The following RUVBL1 variants were observed in gnomAD, a reference collection of about 807,000 sequenced individuals.
RUVBL1 encodes the protein ruvB-like 1.
Under a neutral mutation model 52.4 loss-of-function variants are expected in RUVBL1, and 4 were observed. The ratio of observed to expected loss-of-function variants is 0.08; its 90% CI spans 0.04 to 0.17. The LOEUF (loss-of-function observed/expected upper bound fraction) is 0.17, where lower values mean the gene tolerates loss of function less well. RUVBL1 is among the 10% of genes least tolerant of loss of function. The pLI, the probability that RUVBL1 is intolerant of heterozygous loss-of-function variation, is 1.00. For synonymous variants in RUVBL1, 217 were observed against 214.4 expected (o/e 1.01, Z -0.10); for missense variants, 298 against 572.8 (o/e 0.52, Z 4.90).
At position 128,153,133 on chromosome 3, in the gene RUVBL1, C is replaced by T. The variant is rs1489484189; in HGVS notation, c.-40+70G>A. On this transcript the variant is annotated intron_variant, in intron 1 of 9. Transcript: ENST00000464873. ...ACAGAGCACTGATTGGTGCGTTTTA[C>T]AGAGCGCTGATTGGTGCATTTTACA... 3.5e-6 allele frequency: 3 copies of T among 846,892 alleles called. No homozygotes were observed. In the East Asian group the frequency reaches 2.4e-4, roughly 67 times the overall value. The allele number at this position is 846,892 out of a possible 1,614,324, so 52.5% of individuals were successfully genotyped here. A position where few individuals can be genotyped will look rare whatever the true frequency, so the allele number is the denominator to read the frequency against.
intron 1 of RUVBL1, among the ~76,000 whole-genome samples, chr3:128,120,117 T>C (rs997197610): frequency 6.6e-6 from 1 of 152,186 alleles, no homozygotes; most frequent in South Asian, 2.1e-4. Flanking sequence ...GGTACAGGGA[T>C]AGACGCCAGG....
intron 1 of RUVBL1, among the ~76,000 whole-genome samples, chr3:128,145,429 T>A (rs1944089438): frequency 6.6e-6 from 1 of 152,342 alleles, no homozygotes; most frequent in East Asian, 1.9e-4. Context: ...TGAGTTTCTG[T>A]CATTTGTCCT....
Position 128,082,671 on chromosome 3 carries a change from G to T in RUVBL1, c.1120-97C>A. On this transcript the variant is annotated intron_variant, in intron 9 of 10. Coordinates refer to ENST00000322623, the MANE Select transcript of RUVBL1 (RefSeq NM_003707.3). This position sits in a 1 kb window ranked among gnomAD's most constrained non-coding sequence, Gnocchi z 4.7. ...CAATGTTGCTCAGATTTCTCACTGT[G>T]CAGCATAAGAGAAACTGAGACCTGG... The T allele has an allele frequency of 2.0e-6, 2 of 1,010,418 alleles. No homozygotes were observed. The highest frequency in any genetic ancestry group is 2.9e-6 in the Non-Finnish European group (2 of 687,116). 62.6% of individuals were successfully genotyped at this position (1,010,418 alleles called of 1,614,324 possible).
chr3:128,144,553 C>T (rs1181025849), intron 1 of RUVBL1, among the ~76,000 whole-genome samples: 1 of 152,144 alleles, frequency 6.6e-6, no homozygotes, highest in Non-Finnish European at 1.5e-5. Flanking sequence ...AGGAGGATGT[C>T]TTCGTGGGCT....
exon 1 of RUVBL1, chr3:128,153,531 G>A: frequency 6.6e-7 from 1 of 1,518,884 alleles, no homozygotes. Flanking sequence ...GGGTGAACGT[G>A]AACGTGGGCG....
upstream of RUVBL1, among the ~76,000 whole-genome samples, chr3:128,125,969 C>A (rs764156876): frequency 2.0e-5 from 3 of 152,170 alleles, no homozygotes; most frequent in Non-Finnish European, 4.4e-5. Flanking sequence ...CAGCCCTAGT[C>A]TTTGTATCTT....
chr3:128,119,516 T>C, intron 1 of RUVBL1, 102 bp from the exon 2 acceptor site: 1 of 863,470 alleles, frequency 1.2e-6, no homozygotes, highest in Non-Finnish European at 1.8e-6. Flanking sequence ...CTCATCCAAC[T>C]AACACTGAGT....
At position 128,067,648 on chromosome 3, in the gene RUVBL1, A is replaced by C. The variant is rs1041377138; in HGVS notation, c.940-2428T>G. On this transcript the variant is annotated intron_variant, in intron 9 of 9. Transcript: ENST00000464873. The surrounding 1 kb of genome is among the most constrained non-coding windows in gnomAD (Gnocchi z 4.1). ...GCAAAACTTTCTGGAAGGGTGATGA[A>C]AGTGTGACTGGTATAAGGGGTGTGG... The C allele has an allele frequency of 6.6e-7, 1 of 1,516,202 alleles. No individual in the cohort carries two copies. Among genetic ancestry groups the C allele is most frequent in the Admixed American group, 1.7e-5 (1 of 57,460 alleles). The allele number at this position is 1,516,202 out of a possible 1,614,324, so 93.9% of individuals were successfully genotyped here.
Position 128,128,902 on chromosome 3 carries a change from C to T in RUVBL1, c.-39-9488G>A, listed in dbSNP as rs139667334. Among the ~76,000 whole-genome samples, 805 of 152,298 alleles carry T rather than the reference C, an allele frequency of 5.3e-3. 1 individual carries two copies. Among genetic ancestry groups the T allele is most frequent in the Non-Finnish European group, 8.5e-3 (575 of 68,032 alleles). ...ACTATCTGGGTCTCAGGTTAGCAAC[C>T]TGGGCCCCATTCCATCTCTCAAAGG... On this transcript the variant is annotated intron_variant, in intron 1 of 9. Transcript: ENST00000464873.
At chr3:128,074,425 T>C (rs1942249958) in intron 9 of RUVBL1, among the ~76,000 whole-genome samples, 1 of 151,940 alleles carries the variant, frequency 6.6e-6, no homozygotes, top group Non-Finnish European at 1.5e-5. Context: ...GTGTTAGAGA[T>C]TGGCACAAGG....
intron 2 of RUVBL1, among the ~76,000 whole-genome samples, chr3:128,114,366 G>A (rs1209991123): frequency 6.6e-6 from 1 of 152,110 alleles, no homozygotes; most frequent in Admixed American, 6.5e-5. Context: ...AGTAAAATCT[G>A]GTAGAGAATC....
exon 1 of RUVBL1, chr3:128,153,682 C>T (rs1272476172): frequency 1.9e-6 from 3 of 1,593,606 alleles, no homozygotes; most frequent in East Asian, 2.3e-5. Context: ...CTTCTCGGTG[C>T]CGCTGCCCGC....
chr3:128,080,062 C>T (rs542345998), downstream of RUVBL1, among the ~76,000 whole-genome samples: 2 of 152,330 alleles, frequency 1.3e-5, no homozygotes, highest in East Asian at 1.9e-4. Flanking sequence ...TGGGAAGGCA[C>T]ATTCCAGTAA....
At chr3:128,152,711 T>C (rs1576497715) in intron 1 of RUVBL1, among the ~76,000 whole-genome samples, 2 of 152,136 alleles carry the variant, frequency 1.3e-5, no homozygotes, top group Admixed American at 6.5e-5. Flanking sequence ...ACTTCAAGAA[T>C]GGAGCCGCGG....
At chr3:128,130,320 G>A (rs1204638294) in intron 1 of RUVBL1, among the ~76,000 whole-genome samples, 1 of 152,024 alleles carries the variant, frequency 6.6e-6, no homozygotes, top group Admixed American at 6.5e-5. Context: ...AAAAAACTGT[G>A]AACAGACTAC....
chr3:128,127,755 G>C (rs1943812540), upstream of RUVBL1, among the ~76,000 whole-genome samples: 1 of 152,174 alleles, frequency 6.6e-6, no homozygotes, highest in Admixed American at 6.5e-5. Context: ...CCAACACTTT[G>C]GGAGGCCGAG....
Position 128,067,279 on chromosome 3 carries a change from A to G in RUVBL1, c.940-2059T>C. 2 of 1,294,882 alleles carry G rather than the reference A, an allele frequency of 1.5e-6. No individual in the cohort carries two copies. The highest frequency in any genetic ancestry group is 2.3e-4 in the Middle Eastern group (1 of 4,352). The allele number at this position is 1,294,882 out of a possible 1,614,324, so 80.2% of individuals were successfully genotyped here. ...ATTGTGCCTTTTACAAATTCAGCACATTAAATTATCTTTTCAGTAAAAAAA... is the reference window on the plus strand; with the variant it reads ...ATTGTGCCTTTTACAAATTCAGCACGTTAAATTATCTTTTCAGTAAAAAAA... On this transcript the variant is annotated intron_variant, in intron 9 of 9. Transcript: ENST00000464873. The surrounding 1 kb of genome is among the most constrained non-coding windows in gnomAD (Gnocchi z 4.1).
downstream of RUVBL1, chr3:128,078,810 G>C (rs922586859): frequency 2.0e-5 from 3 of 152,168 alleles, no homozygotes; most frequent in Non-Finnish European, 4.4e-5. Context: ...TAAAAACTTC[G>C]CCCGGAAGAT....
Position 128,108,939 on chromosome 3 carries a change from G to A in RUVBL1, c.361+3949C>T, listed in dbSNP as rs181454407. 9.6e-4 allele frequency among the ~76,000 whole-genome samples: 146 copies of A among 152,306 alleles called. 1 individual carries two copies. The East Asian group carries it at 9.6e-3, about 10-fold the overall frequency. ...TGAACCTTACAGATATAGACGCTGA[G>A]CTAAAGAAGCAAGACACAAGGAACA... On this transcript the variant is annotated intron_variant, in intron 3 of 10. Coordinates refer to ENST00000322623, the MANE Select transcript of RUVBL1 (RefSeq NM_003707.3).
Sources: allele counts gnomAD v4.1 joint callset (sites outside exome capture counted in the v4.1 genomes callset), GRCh38; gene constraint gnomAD v4.1.1; non-coding constraint Gnocchi (gnomAD v3.1); transcripts MANE v1.5; gene names NCBI Gene and HGNC (gene_info 2026-07-23, HGNC 2026-07-21).